SHQ1: variants seen among roughly 807,000 people sequenced by gnomAD.
The protein encoded by SHQ1 is SHQ1, H/ACA ribonucleoprotein assembly factor, also known as protein SHQ1 homolog.
SHQ1 carries 49 observed loss-of-function variants against 53.8 expected under a neutral mutation model. That is an observed-to-expected ratio of 0.91 (90% confidence interval 0.72 to 1.16). SHQ1 has a LOEUF of 1.16. Ranked by LOEUF, SHQ1 falls within the 50% of genes most tolerant of loss-of-function variation. The probability of loss-of-function intolerance (pLI) is 0.00; values close to 1 mark genes in which losing one functional copy is unlikely to be tolerated. For synonymous variants in SHQ1, 243 were observed against 251.0 expected (o/e 0.97, Z 0.30); for missense variants, 738 against 683.1 (o/e 1.08, Z -0.90).
At chr3:72,729,529 C>T in the SHQ1 span, among the ~76,000 whole-genome samples, 3 of 151,864 alleles carry the variant, frequency 2.0e-5, no homozygotes, top group South Asian at 2.1e-4. Context: ...GGCATTGGCT[C>T]GAAATAAAGA....
intron 1 of SHQ1, chr3:72,846,337 C>A: frequency 6.6e-7 from 1 of 1,517,958 alleles, no homozygotes; most frequent in Non-Finnish European, 8.8e-7. Flanking sequence ...CTCTGTTACT[C>A]AGGCTGGAGT....
intron 10 of SHQ1, among the ~76,000 whole-genome samples, chr3:72,765,110 C>T (rs978361719): frequency 1.3e-5 from 2 of 152,172 alleles, no homozygotes; most frequent in South Asian, 2.1e-4. Flanking sequence ...CTTTCCTTAG[C>T]CCCCCTTCTA....
At chr3:72,746,534 A>G (rs939239787), downstream of SHQ1, among the ~76,000 whole-genome samples, 1 of 152,238 alleles carries the variant, frequency 6.6e-6, no homozygotes, top group African/African-American at 2.4e-5. Flanking sequence ...CCATGAACAA[A>G]GAAAGGGTAG....
chr3:72,773,721 A>G (rs1279406566), intron 10 of SHQ1, among the ~76,000 whole-genome samples: 1 of 152,228 alleles, frequency 6.6e-6, no homozygotes, highest in Non-Finnish European at 1.5e-5. Flanking sequence ...TATAGGAAGA[A>G]TTAAAAAGAT....
At chr3:72,844,460 T>TATAATTTAACATAA in intron 1 of SHQ1, 37 bp from the exon 2 acceptor site, 1 of 1,539,322 alleles carries the variant, frequency 6.5e-7, no homozygotes, top group Non-Finnish European at 9.0e-7. Context: ...AGTCCTTAAA[T>TATAATTTAACATAA]TATAACGTAA....
intron 10 of SHQ1, chr3:72,752,978 C>T: frequency 2.0e-6 from 2 of 985,360 alleles, no homozygotes; most frequent in Non-Finnish European, 2.4e-6. Flanking sequence ...CGCTTTTCCT[C>T]TAAATTACCT....
chr3:72,765,550 TATATA>T (rs1449652838), intron 10 of SHQ1, among the ~76,000 whole-genome samples: 54 of 98,934 alleles, frequency 5.5e-4, no homozygotes, highest in Non-Finnish European at 8.5e-4. Context: ...TATATATATA[TATATA>T]TATTTTTTTT....
intron 8 of SHQ1, among the ~76,000 whole-genome samples, chr3:72,814,717 G>T (rs2106866449): frequency 6.6e-6 from 1 of 152,234 alleles, no homozygotes; most frequent in East Asian, 1.9e-4. Flanking sequence ...CAAATTTAAA[G>T]ATATTATCTT....
chr3:72,739,169 G>C, the SHQ1 span, among the ~76,000 whole-genome samples: 2 of 152,210 alleles, frequency 1.3e-5, no homozygotes, highest in Admixed American at 1.3e-4. Flanking sequence ...GTCTGACTTT[G>C]CCCTTTGTTT....
At chr3:72,779,817 T>C (rs910026327) in intron 10 of SHQ1, among the ~76,000 whole-genome samples, 4 of 152,200 alleles carry the variant, frequency 2.6e-5, no homozygotes, top group Non-Finnish European at 5.9e-5. Context: ...TTTGAAATAG[T>C]ATGATTAACA....
At chr3:72,836,975 G>C (rs149104170) in intron 4 of SHQ1, among the ~76,000 whole-genome samples, 1 of 152,156 alleles carries the variant, frequency 6.6e-6, no homozygotes, top group Non-Finnish European at 1.5e-5. Flanking sequence ...TGGGTATCCC[G>C]GAAACAATGG....
chr3:72,771,524 C>G (rs1235840154), intron 10 of SHQ1, among the ~76,000 whole-genome samples: 2 of 152,180 alleles, frequency 1.3e-5, no homozygotes, highest in African/African-American at 2.4e-5. Context: ...CAGTGATAAG[C>G]AGATGACTGA....
chr3:72,790,809 G>A (rs1706409416), intron 10 of SHQ1, among the ~76,000 whole-genome samples: 1 of 152,170 alleles, frequency 6.6e-6, no homozygotes, highest in Non-Finnish European at 1.5e-5. Flanking sequence ...GGAAAAGAAA[G>A]TTATGTTCAA....
intron 9 of SHQ1, among the ~76,000 whole-genome samples, chr3:72,797,248 G>A (rs1175327694): frequency 7.9e-5 from 12 of 152,008 alleles, no homozygotes; most frequent in South Asian, 2.1e-4. Flanking sequence ...ACTTGAGAGC[G>A]AGACTCCATC....
chr3:72,781,297 C>G (rs568136941), intron 10 of SHQ1, among the ~76,000 whole-genome samples: 1 of 152,066 alleles, frequency 6.6e-6, no homozygotes, highest in Non-Finnish European at 1.5e-5. Context: ...CCCAGGTGAT[C>G]CGCTCACCTT....
chr3:72,832,523 T>C (rs1176313457), intron 4 of SHQ1, 42 bp from the exon 5 acceptor site: 2 of 1,409,272 alleles, frequency 1.4e-6, no homozygotes, highest in South Asian at 1.2e-5. Context: ...CTATCTCCTA[T>C]TTTTAGCATT....
chr3:72,792,072 C>T (rs1483218306), intron 10 of SHQ1, among the ~76,000 whole-genome samples: 1 of 152,180 alleles, frequency 6.6e-6, no homozygotes, highest in African/African-American at 2.4e-5. Flanking sequence ...CAGACCCTTC[C>T]ATACATGCAT....
intron 9 of SHQ1, among the ~76,000 whole-genome samples, chr3:72,797,684 T>A (rs1018005662): frequency 2.0e-5 from 3 of 152,272 alleles, no homozygotes; most frequent in African/African-American, 7.2e-5. Flanking sequence ...CTTAAACTAC[T>A]TTCATAGTAT....
At chr3:72,753,770 T>C in intron 10 of SHQ1, 1 of 349,798 alleles carries the variant, frequency 2.9e-6, no homozygotes. Flanking sequence ...GAGGCATTTT[T>C]AAAAGCATAG....
Sources: gnomAD v4.1 joint callset for allele counts (sites outside exome capture counted in the v4.1 genomes callset) on GRCh38, gnomAD v4.1.1 for gene constraint, MANE v1.5 for transcripts, NCBI Gene and HGNC (gene_info 2026-07-23, HGNC 2026-07-21) for gene names.